UBE2D4: variants seen among roughly 807,000 people sequenced by gnomAD.
The protein encoded by UBE2D4 is ubiquitin conjugating enzyme E2 D4.
UBE2D4 carries 17 observed loss-of-function variants against 23.0 expected under a neutral mutation model. The ratio of observed to expected loss-of-function variants is 0.74; its 90% CI spans 0.51 to 1.11. The LOEUF is 1.11. UBE2D4 is among the 50% of genes least tolerant of loss of function. The pLI is 0.00. For synonymous variants in UBE2D4, 61 were observed against 69.4 expected (o/e 0.88, Z 0.60); for missense variants, 139 against 181.8 (o/e 0.76, Z 1.35).
chr7:43,932,175 G>A (rs967480925), intron 1 of UBE2D4, among the ~76,000 whole-genome samples: 2 of 151,566 alleles, frequency 1.3e-5, no homozygotes. Flanking sequence ...ATTTTTAGGA[G>A]AGACGGGGTT....
chr7:43,927,648 G>A (rs187690048), intron 1 of UBE2D4, among the ~76,000 whole-genome samples: 1 of 152,244 alleles, frequency 6.6e-6, no homozygotes, highest in Admixed American at 6.5e-5. Flanking sequence ...TACATGACTA[G>A]TAACTTATTT....
chr7:43,947,579 G>C (rs1317812485), intron 4 of UBE2D4, among the ~76,000 whole-genome samples: 4 of 152,166 alleles, frequency 2.6e-5, no homozygotes, highest in Non-Finnish European at 4.4e-5. Context: ...TTAATCCAAT[G>C]TATCATTGAT....
chr7:43,955,357 G>A lies in UBE2D4; in HGVS notation c.*2662G>A, dbSNP rs1343491964. The A allele has an allele frequency of 6.6e-6, 1 of 152,144 alleles. No individual in the cohort carries two copies. The highest frequency in any genetic ancestry group is 2.4e-5 in the African/African-American group (1 of 41,442). The allele number at this position is 152,144 out of a possible 1,614,324, so 9.4% of individuals were successfully genotyped here. A position where few individuals can be genotyped will look rare whatever the true frequency, so the allele number is the denominator to read the frequency against. On this transcript the variant is annotated 3_prime_UTR_variant, in exon 7 of 7. Coordinates refer to ENST00000222402, the MANE Select transcript of UBE2D4 (RefSeq NM_015983.4). ...TGATCTTGAACAATTGATCCATGAT[G>A]AAAAAATGACCATTAGCTCTCCCCC...
At chr7:43,932,427 A>C (rs1024027259) in intron 1 of UBE2D4, among the ~76,000 whole-genome samples, 6 of 152,232 alleles carry the variant, frequency 3.9e-5, no homozygotes, top group Non-Finnish European at 7.3e-5. Flanking sequence ...TTTGTGTGGG[A>C]ACACAGATCC....
chr7:43,953,363 T>A lies in UBE2D4; in HGVS notation c.*668T>A. On this transcript the variant is annotated 3_prime_UTR_variant, in exon 7 of 7. Coordinates refer to ENST00000222402, the MANE Select transcript of UBE2D4 (RefSeq NM_015983.4). ...CACATAACACCCCATAAGAGATGAT[T>A]ATGTTTTTAGAAGCAAGAGCAAAAT... 1 of 350,874 alleles carries A rather than the reference T, an allele frequency of 2.9e-6. No homozygotes were observed. The highest frequency in any genetic ancestry group is 5.6e-6 in the Non-Finnish European group (1 of 177,796). The allele number at this position is 350,874 out of a possible 1,614,324, so 21.7% of individuals were successfully genotyped here. A position where few individuals can be genotyped will look rare whatever the true frequency, so the allele number is the denominator to read the frequency against.
chr7:43,952,960 C>G lies in UBE2D4; in HGVS notation c.*265C>G, dbSNP rs969593826. 5 of 428,272 alleles carry G rather than the reference C, an allele frequency of 1.2e-5. No individual in the cohort carries two copies. The highest frequency in any genetic ancestry group is 8.1e-5 in the African/African-American group (4 of 49,236). The allele number at this position is 428,272 out of a possible 1,614,324, so 26.5% of individuals were successfully genotyped here. A position where few individuals can be genotyped will look rare whatever the true frequency, so the allele number is the denominator to read the frequency against. ...CCTGGTGACACTGGAATCTCTCTCT[C>G]TGCCGCCTCAGTTTGTCTGCTGGTC... On this transcript the variant is annotated 3_prime_UTR_variant, in exon 7 of 7. Transcript: ENST00000222402.
chr7:43,939,782 T>C (rs2095967085), intron 2 of UBE2D4, among the ~76,000 whole-genome samples: 1 of 152,128 alleles, frequency 6.6e-6, no homozygotes, highest in Non-Finnish European at 1.5e-5. Context: ...AATATATGAT[T>C]CCACTTACAT....
rs2095993823 is a variant in UBE2D4 at position 43,948,571 on chromosome 7, CT to C, written c.199-59del. 3 of 1,130,108 alleles carry C rather than the reference CT, an allele frequency of 2.7e-6. No homozygotes were observed. The Admixed American group carries it at 5.4e-5, about 20-fold the overall frequency. The allele number at this position is 1,130,108 out of a possible 1,614,324, so 70.0% of individuals were successfully genotyped here. A position where few individuals can be genotyped will look rare whatever the true frequency, so the allele number is the denominator to read the frequency against. On this transcript the variant is annotated intron_variant, in intron 4 of 6. Transcript: ENST00000222402. ...CCCAGCAGCAGCTGCTTCTGCTTTACTTGGTTCATTTCCCACACGTCCCTGT... is the reference window on the plus strand; with the variant it reads ...CCCAGCAGCAGCTGCTTCTGCTTTACTGGTTCATTTCCCACACGTCCCTGT...
chr7:43,949,379 G>C (rs930653078), intron 5 of UBE2D4, among the ~76,000 whole-genome samples: 1 of 152,190 alleles, frequency 6.6e-6, no homozygotes, highest in Non-Finnish European at 1.5e-5. Flanking sequence ...GAGAAACAGA[G>C]CCTGGCCTAA....
chr7:43,928,738 A>G (rs886978689), intron 1 of UBE2D4, among the ~76,000 whole-genome samples: 1 of 152,168 alleles, frequency 6.6e-6, no homozygotes, highest in African/African-American at 2.4e-5. Context: ...TGAAAGTGAA[A>G]CAAGGAGGTG....
chr7:43,938,953 A>G (rs574730276), intron 2 of UBE2D4, among the ~76,000 whole-genome samples: 89 of 152,362 alleles, frequency 5.8e-4, no homozygotes, highest in African/African-American at 2.0e-3. Context: ...GGTCTAGGCC[A>G]TGAGTTCACA....
In UBE2D4 at chr7:43,928,748, G is replaced by A. The variant is rs376355656; in HGVS notation, c.24+2192G>A. Among the ~76,000 whole-genome samples the A allele has an allele frequency of 5.3e-5, 8 of 152,290 alleles. No individual in the cohort carries two copies. In the East Asian group the frequency reaches 1.5e-3, roughly 29 times the overall value. On this transcript the variant is annotated intron_variant, in intron 1 of 6. Coordinates refer to ENST00000222402, the MANE Select transcript of UBE2D4 (RefSeq NM_015983.4). ...TGTGGTGAAAGTGAAACAAGGAGGTGTACAAAATGGGTCACTTAGTGGATG... is the reference window on the plus strand; with the variant it reads ...TGTGGTGAAAGTGAAACAAGGAGGTATACAAAATGGGTCACTTAGTGGATG...
chr7:43,949,006 C>A, intron 5 of UBE2D4: 1 of 443,626 alleles, frequency 2.3e-6, no homozygotes. Context: ...AATACTGATT[C>A]TACTTATATT....
chr7:43,943,163 G>A (rs1288211211), intron 4 of UBE2D4, 132 bp downstream of exon 4: 2 of 871,922 alleles, frequency 2.3e-6, no homozygotes, highest in East Asian at 2.5e-5. Flanking sequence ...CCACCCTGTG[G>A]TGAGAGTTTC....
chr7:43,949,784 A>C (rs1207503363), intron 5 of UBE2D4, among the ~76,000 whole-genome samples: 2 of 152,180 alleles, frequency 1.3e-5, no homozygotes, highest in African/African-American at 4.8e-5. Flanking sequence ...CATTGAGTGC[A>C]CATCTTAGAG....
chr7:43,933,015 C>CAG (rs2095949980), intron 1 of UBE2D4, among the ~76,000 whole-genome samples: 1 of 81,288 alleles, frequency 1.2e-5, no homozygotes, highest in Non-Finnish European at 2.5e-5. Flanking sequence ...TATATATATA[C>CAG]ACACACATAT....
At position 43,953,450 on chromosome 7, in the gene UBE2D4, C is replaced by T. The variant is rs1270736559; in HGVS notation, c.*755C>T. The T allele has an allele frequency of 1.2e-5, 4 of 334,270 alleles. No individual in the cohort carries two copies. Among genetic ancestry groups the T allele is most frequent in the Admixed American group, 4.4e-5 (1 of 22,716 alleles). The allele number at this position is 334,270 out of a possible 1,614,324, so 20.7% of individuals were successfully genotyped here. A position where few individuals can be genotyped will look rare whatever the true frequency, so the allele number is the denominator to read the frequency against. The stretch of plus-strand genomic sequence containing the variant: ...TTTGATGAAGATTCTCACTACCGCC[C>T]GCTCCTCCCATAGGAGCCTACACTA... On this transcript the variant is annotated 3_prime_UTR_variant, in exon 7 of 7. Transcript: ENST00000222402.
At chr7:43,946,767 A>G (rs1207744406) in intron 4 of UBE2D4, among the ~76,000 whole-genome samples, 3 of 151,632 alleles carry the variant, frequency 2.0e-5, no homozygotes, top group Non-Finnish European at 4.4e-5. Flanking sequence ...GAAGTGCACA[A>G]GGGTATTTTA....
At chr7:43,937,501 T>C (rs2095960980) in intron 1 of UBE2D4, among the ~76,000 whole-genome samples, 2 of 152,196 alleles carry the variant, frequency 1.3e-5, no homozygotes, top group African/African-American at 2.4e-5. Context: ...ATTTTACTTA[T>C]GAGGAAATGG....
Sources: gnomAD v4.1 joint callset for allele counts (sites outside exome capture counted in the v4.1 genomes callset) on GRCh38, gnomAD v4.1.1 for gene constraint, MANE v1.5 for transcripts, NCBI Gene and HGNC (gene_info 2026-07-23, HGNC 2026-07-21) for gene names.